The following CLYBL variants were observed in gnomAD, a reference collection of about 807,000 sequenced individuals.
The protein encoded by CLYBL is citramalyl-CoA lyase.
CLYBL carries 31 observed loss-of-function variants against 38.9 expected under a neutral mutation model. The observed-to-expected ratio is 0.80, with a 90% CI of 0.60 to 1.08. The LOEUF (loss-of-function observed/expected upper bound fraction) is 1.08. Ranked by LOEUF, CLYBL falls within the 50% of genes least tolerant of loss-of-function variation. The pLI is 0.00. For synonymous variants in CLYBL, 171 were observed against 158.6 expected (o/e 1.08, Z -0.59); for missense variants, 434 against 411.6 (o/e 1.05, Z -0.47).
intron 2 of CLYBL, among the ~76,000 whole-genome samples, chr13:99,800,007 CTTTTA>C (rs1325602278): frequency 6.6e-6 from 1 of 152,190 alleles, no homozygotes; most frequent in Non-Finnish European, 1.5e-5. Flanking sequence ...TGTTGGGATT[CTTTTA>C]TTTTAAGGCT....
rs555026043 is a variant in CLYBL at position 99,758,951 on chromosome 13, A to G, written c.63-13873A>G. On this transcript the variant is annotated intron_variant, in intron 1 of 8. Coordinates refer to ENST00000339105, the MANE Select transcript of CLYBL (RefSeq NM_206808.5). ...ACAGTGCAGCTCAGGGCCACTGGATACAGCTGTGCAGGGTGTGCCCTAGAG... is the reference window on the plus strand; with the variant it reads ...ACAGTGCAGCTCAGGGCCACTGGATGCAGCTGTGCAGGGTGTGCCCTAGAG... 2.0e-5 allele frequency among the ~76,000 whole-genome samples: 3 copies of G among 152,250 alleles called. No homozygotes were observed. The East Asian group carries it at 5.8e-4, about 29-fold the overall frequency.
intron 2 of CLYBL, among the ~76,000 whole-genome samples, chr13:99,794,572 A>G (rs1278240806): frequency 2.1e-5 from 3 of 143,066 alleles, no homozygotes; most frequent in East Asian, 2.2e-4. Flanking sequence ...ATTAAATACT[A>G]TATTTTCATT....
chr13:99,639,202 A>G (rs189448915), intron 1 of CLYBL, among the ~76,000 whole-genome samples: 2 of 152,288 alleles, frequency 1.3e-5, no homozygotes. Context: ...TGAGAGTGAA[A>G]GGAGTACTGT....
At chr13:99,755,043 A>G (rs1042787315) in intron 1 of CLYBL, among the ~76,000 whole-genome samples, 6 of 150,718 alleles carry the variant, frequency 4.0e-5, no homozygotes, top group Admixed American at 6.6e-5. Flanking sequence ...GACTACAGGC[A>G]CCTGCCACCA....
chr13:99,770,311 C>CTCTTT (rs2049359516), intron 1 of CLYBL, among the ~76,000 whole-genome samples: 1 of 150,856 alleles, frequency 6.6e-6, no homozygotes, highest in Non-Finnish European at 1.5e-5. Flanking sequence ...TGGTCTCGAA[C>CTCTTT]TCTTTTTTTG....
intron 1 of CLYBL, among the ~76,000 whole-genome samples, chr13:99,655,453 G>A (rs1237778219): frequency 3.3e-5 from 5 of 152,228 alleles, no homozygotes; most frequent in Non-Finnish European, 5.9e-5. Flanking sequence ...CTCATGGAAT[G>A]AAGACAGCTC....
chr13:99,892,622 T>C (rs1399756632), downstream of CLYBL: 1 of 152,514 alleles, frequency 6.6e-6, no homozygotes, highest in Non-Finnish European at 1.5e-5. Flanking sequence ...TTTTAAACTC[T>C]ACACCAACCT....
intron 1 of CLYBL, among the ~76,000 whole-genome samples, chr13:99,717,395 C>T (rs1310490199): frequency 6.9e-6 from 1 of 144,652 alleles, no homozygotes. Context: ...CGTTGCACTC[C>T]AGCCTGGGCG....
intron 2 of CLYBL, among the ~76,000 whole-genome samples, chr13:99,781,140 A>T (rs867250828): frequency 3.2e-4 from 48 of 149,412 alleles, no homozygotes; most frequent in Non-Finnish European, 4.8e-4. Flanking sequence ...ATATATATAT[A>T]TTTTTAAATT....
At chr13:99,702,729 T>C (rs906505274) in intron 1 of CLYBL, among the ~76,000 whole-genome samples, 2 of 152,240 alleles carry the variant, frequency 1.3e-5, no homozygotes, top group African/African-American at 2.4e-5. Context: ...TAGAGGCTTT[T>C]TGCCTTAAGG....
chr13:99,791,414 A>G (rs2049915541), intron 2 of CLYBL, among the ~76,000 whole-genome samples: 1 of 152,206 alleles, frequency 6.6e-6, no homozygotes, highest in African/African-American at 2.4e-5. Flanking sequence ...GGTAAAGCTT[A>G]GAAAATTTAA....
chr13:99,726,197 T>C (rs2048469586), intron 1 of CLYBL: 1 of 152,256 alleles, frequency 6.6e-6, no homozygotes. Context: ...TTCTCATTTG[T>C]TCTTTCTGGT....
intron 1 of CLYBL, among the ~76,000 whole-genome samples, chr13:99,669,578 C>T (rs556714256): frequency 1.3e-5 from 2 of 152,120 alleles, no homozygotes; most frequent in Non-Finnish European, 2.9e-5. Context: ...ATCATTATTT[C>T]ATTTTCTTTA....
At chr13:99,811,761 CAG>C (rs146186088) in intron 2 of CLYBL, among the ~76,000 whole-genome samples, 55,684 of 151,842 alleles carry the variant, frequency 0.37, 11,383 homozygotes, top group African/African-American at 0.55. Context: ...ACGAAACAAA[CAG>C]GGCACTCAGC....
At chr13:99,782,513 A>T (rs1457454048) in intron 2 of CLYBL, among the ~76,000 whole-genome samples, 1 of 152,088 alleles carries the variant, frequency 6.6e-6, no homozygotes. Flanking sequence ...TTGGGGGGAA[A>T]AAAGTTTATA....
intron 2 of CLYBL, among the ~76,000 whole-genome samples, chr13:99,813,448 CAAAT>C (rs1179666200): frequency 6.6e-6 from 1 of 152,176 alleles, no homozygotes; most frequent in Non-Finnish European, 1.5e-5. Flanking sequence ...TAGTAAACCA[CAAAT>C]AATTTCTGCT....
chr13:99,688,529 CTT>C (rs1011494195), intron 1 of CLYBL, among the ~76,000 whole-genome samples: 5 of 151,370 alleles, frequency 3.3e-5, no homozygotes, highest in Non-Finnish European at 7.4e-5. Flanking sequence ...TTTTTAAAGA[CTT>C]ATATTTTAAT....
intron 1 of CLYBL, among the ~76,000 whole-genome samples, chr13:99,765,362 G>A (rs2049248750): frequency 6.6e-6 from 1 of 152,034 alleles, no homozygotes. Context: ...TGACCTTTGA[G>A]AGTCTGATTA....
chr13:99,780,779 T>G (rs1164730711), intron 2 of CLYBL, among the ~76,000 whole-genome samples: 1 of 149,640 alleles, frequency 6.7e-6, no homozygotes, highest in Non-Finnish European at 1.5e-5. Context: ...AATGGCACGA[T>G]CTTGGCTCAC....
Sources: allele counts gnomAD v4.1 joint callset (sites outside exome capture counted in the v4.1 genomes callset), GRCh38; gene constraint gnomAD v4.1.1; transcripts MANE v1.5; gene names NCBI Gene and HGNC (gene_info 2026-07-23, HGNC 2026-07-21).